Variants in SPSB4 observed in about 807,000 individuals in gnomAD.
SPSB4 encodes splA/ryanodine receptor domain and SOCS box containing 4.
A neutral mutation model predicts 20.9 loss-of-function variants in SPSB4; 21 were observed. That is an observed-to-expected ratio of 1.01 (90% CI 0.71 to 1.45). SPSB4 has a LOEUF of 1.45. Among genes scored for constraint, SPSB4 ranks in the 40% most tolerant of loss-of-function variants. SPSB4 has a pLI of 0.00. For missense variants in SPSB4, 399 were observed against 399.2 expected, an observed-to-expected ratio of 1.00 and a Z score of 0.00; for synonymous variants, 207 against 183.8, an observed-to-expected ratio of 1.13 and a Z score of -1.02.
Position 141,074,178 on chromosome 3 carries a change from C to T in SPSB4, c.694+7380C>T, listed in dbSNP as rs565233906. Among the ~76,000 whole-genome samples, 4 of 152,266 alleles carry T rather than the reference C, an allele frequency of 2.6e-5. No individual in the cohort carries two copies. The East Asian group carries it at 5.8e-4, about 22-fold the overall frequency. On this transcript the variant is annotated intron_variant, in intron 2 of 2. Coordinates refer to ENST00000310546, the MANE Select transcript of SPSB4 (RefSeq NM_080862.3). ...TTCCAGCACTGGCTTGGCTTCAGTC[C>T]TGACTTGGTTTCTAATTAGCTGTGA...
intron 2 of SPSB4, among the ~76,000 whole-genome samples, chr3:141,079,904 G>A (rs1040033939): frequency 3.3e-5 from 5 of 152,144 alleles, no homozygotes; most frequent in African/African-American, 9.7e-5. Context: ...CCCATGGCTG[G>A]CAGGGCTGGG....
At chr3:141,107,954 TAAAAA>T (rs575805754) in intron 2 of SPSB4, among the ~76,000 whole-genome samples, 1 of 144,796 alleles carries the variant, frequency 6.9e-6, no homozygotes, top group Non-Finnish European at 1.5e-5. Flanking sequence ...GACTCTGTCT[TAAAAA>T]AAAAAATAAA....
At chr3:141,141,915 A>C (rs1939336108) in intron 2 of SPSB4, among the ~76,000 whole-genome samples, 1 of 151,962 alleles carries the variant, frequency 6.6e-6, no homozygotes, top group South Asian at 2.1e-4. Context: ...TTCTAATTGA[A>C]CTTATTTGGA....
At chr3:141,133,999 A>G (rs1474543142) in intron 2 of SPSB4, among the ~76,000 whole-genome samples, 1 of 93,802 alleles carries the variant, frequency 1.1e-5, no homozygotes, top group Non-Finnish European at 2.3e-5. Flanking sequence ...TTCATTAGGT[A>G]TATTCCTAAG....
intron 2 of SPSB4, among the ~76,000 whole-genome samples, chr3:141,103,393 C>G (rs1938642453): frequency 1.3e-5 from 2 of 152,212 alleles, no homozygotes; most frequent in African/African-American, 4.8e-5. Context: ...CCAGCTCACT[C>G]ATCAACCCAA....
intron 2 of SPSB4, among the ~76,000 whole-genome samples, chr3:141,107,963 A>T (rs974513538): frequency 5.1e-4 from 62 of 120,828 alleles, no homozygotes; most frequent in African/African-American, 1.9e-3. Context: ...TTAAAAAAAA[A>T]AATAAAATAA....
At chr3:141,130,064 A>G (rs1939110543) in intron 2 of SPSB4, among the ~76,000 whole-genome samples, 1 of 152,192 alleles carries the variant, frequency 6.6e-6, no homozygotes, top group South Asian at 2.1e-4. Context: ...AATGCTTCCT[A>G]GATGGGAGCT....
chr3:141,140,953 C>T (rs935977386), intron 2 of SPSB4, among the ~76,000 whole-genome samples: 2 of 152,232 alleles, frequency 1.3e-5, no homozygotes, highest in African/African-American at 4.8e-5. Context: ...GCAGGCAGGC[C>T]TCCTTGAGCT....
Position 141,054,761 on chromosome 3 carries a change from C to T in SPSB4, c.-154+2769C>T, listed in dbSNP as rs562952991. 3.9e-5 allele frequency among the ~76,000 whole-genome samples: 6 copies of T among 152,292 alleles called. No homozygotes were observed. The South Asian group carries it at 1.0e-3, about 26-fold the overall frequency. ...CGGGGGGATCGCAAGGTCAGGAGAT[C>T]GAGACTATCCTGGCTAACACAGTGA... is the stretch of plus-strand genomic sequence containing the variant. On this transcript the variant is annotated intron_variant, in intron 1 of 2. Coordinates refer to ENST00000310546, the MANE Select transcript of SPSB4 (RefSeq NM_080862.3).
At chr3:141,124,633 A>G (rs1478738493) in intron 2 of SPSB4, among the ~76,000 whole-genome samples, 1 of 152,194 alleles carries the variant, frequency 6.6e-6, no homozygotes, top group Non-Finnish European at 1.5e-5. Context: ...GGACGTGGAC[A>G]TGAAAGCACT....
intron 2 of SPSB4, among the ~76,000 whole-genome samples, chr3:141,074,384 C>T (rs1408481970): frequency 1.3e-5 from 2 of 152,140 alleles, no homozygotes; most frequent in African/African-American, 4.8e-5. Context: ...TTACTGCTCT[C>T]ATAAATTGGT....
chr3:141,074,391 T>C (rs1938063191), intron 2 of SPSB4, among the ~76,000 whole-genome samples: 1 of 152,226 alleles, frequency 6.6e-6, no homozygotes, highest in African/African-American at 2.4e-5. Flanking sequence ...TCTCATAAAT[T>C]GGTAAAATTA....
intron 2 of SPSB4, among the ~76,000 whole-genome samples, chr3:141,103,936 A>G (rs138418962): frequency 0.01 from 1,572 of 152,008 alleles, 24 homozygotes; most frequent in African/African-American, 0.036. Flanking sequence ...AAAAATTCCC[A>G]CCCAAAGAGA....
chr3:141,061,979 C>A lies in SPSB4; in HGVS notation c.-153-3973C>A, dbSNP rs145427843. Among the ~76,000 whole-genome samples the A allele has an allele frequency of 7.8e-3, 1,184 of 152,318 alleles. 5 individuals are homozygous for A. Among genetic ancestry groups the A allele is most frequent in the Middle Eastern group, 0.024 (7 of 294 alleles). On this transcript the variant is annotated intron_variant, in intron 1 of 2. Coordinates refer to ENST00000310546, the MANE Select transcript of SPSB4 (RefSeq NM_080862.3). ...TGAACTCTTGACCTCAAATGATCCA[C>A]CTGCCTTGGCCTCCCAAAGTTCTGG...
intron 2 of SPSB4, among the ~76,000 whole-genome samples, chr3:141,078,185 G>A (rs530940968): frequency 2.0e-5 from 3 of 152,340 alleles, no homozygotes; most frequent in South Asian, 2.1e-4. Context: ...TTCCTCAGCT[G>A]TGGAAGAGCT....
At chr3:141,147,060 G>C in intron 2 of SPSB4, 82 bp from the exon 3 acceptor site, 1 of 1,577,114 alleles carries the variant, frequency 6.3e-7, no homozygotes, top group South Asian at 1.1e-5. Flanking sequence ...GAGCAGGCAG[G>C]AGGCGGTATG....
chr3:141,124,299 A>G (rs756268215), intron 2 of SPSB4: 1 of 152,338 alleles, frequency 6.6e-6, no homozygotes, highest in Non-Finnish European at 1.5e-5. Flanking sequence ...TTCTACAGAG[A>G]TTCAGGGTGG....
chr3:141,088,435 T>C (rs541448081), intron 2 of SPSB4, among the ~76,000 whole-genome samples: 1 of 152,336 alleles, frequency 6.6e-6, no homozygotes, highest in East Asian at 1.9e-4. Flanking sequence ...AATTCTAAAG[T>C]GCCTCTATCC....
chr3:141,058,639 G>A (rs1937703723), intron 1 of SPSB4, among the ~76,000 whole-genome samples: 1 of 152,152 alleles, frequency 6.6e-6, no homozygotes, highest in Non-Finnish European at 1.5e-5. Flanking sequence ...TGGCTGGAGA[G>A]AGAAGGCAGG....
Sources: gnomAD v4.1 joint callset for allele counts (sites outside exome capture counted in the v4.1 genomes callset) on GRCh38, gnomAD v4.1.1 for gene constraint, MANE v1.5 for transcripts, NCBI Gene and HGNC (gene_info 2026-07-23, HGNC 2026-07-21) for gene names.